The following COL6A3 variants were observed in gnomAD, a reference collection of about 807,000 sequenced individuals.
COL6A3 encodes the protein collagen alpha-3(VI) chain.
In COL6A3, 137 loss-of-function variants were observed where a neutral mutation model predicts 274.1. The ratio of observed to expected loss-of-function variants is 0.50; its 90% CI spans 0.44 to 0.58. COL6A3 has a LOEUF of 0.58. COL6A3 is among the 20% of genes least tolerant of loss of function. The pLI, the probability that COL6A3 is intolerant of heterozygous loss-of-function variation, is 0.00. For synonymous variants in COL6A3, 1,650 were observed against 1,650.6 expected, an observed-to-expected ratio of 1.00 and a Z score of 0.01; for missense variants, 3,950 against 4,124.9, an observed-to-expected ratio of 0.96 and a Z score of 1.16.
rs1247245958 is a variant in COL6A3, at chr2:237,364,757, CATGT to C, written c.5839-333_5839-330del. On this transcript the variant is annotated intron_variant, in intron 12 of 43. Transcript: ENST00000295550. The surrounding 1 kb of genome is among the most constrained non-coding windows in gnomAD (Gnocchi z 4.6). Reference sequence around the variant, plus strand: ...ATGCATGTGTGCGTGCATGTGTGTGCATGTGTGTGGGTACATATGTGTGTGTATG... The same window carrying C: ...ATGCATGTGTGCGTGCATGTGTGTGCGTGTGGGTACATATGTGTGTGTATG... Among the ~76,000 whole-genome samples the C allele has an allele frequency of 2.0e-5, 3 of 151,026 alleles. No individual in the cohort carries two copies. Among genetic ancestry groups the C allele is most frequent in the Non-Finnish European group, 4.4e-5 (3 of 67,818 alleles).
Position 237,334,862 on chromosome 2 carries a change from A to G in COL6A3, c.8993T>C (p.Phe2998Ser), listed in dbSNP as rs1187707448. 2 of 1,614,164 alleles carry G rather than the reference A, an allele frequency of 1.2e-6. No homozygotes were observed. The highest frequency in any genetic ancestry group is 1.7e-6 in the Non-Finnish European group (2 of 1,180,024). The change falls in exon 41 of 44, where the codon TTT becomes TCT. Residue 2998 changes from phenylalanine to serine, a missense_variant. Transcript: ENST00000295550. Reference protein sequence around the residue: ...MVKMSREVQVFEITENSAKLH... With the variant: ...MVKMSREVQVSEITENSAKLH... ...TTTGGCGCTGTTCTCTGTTATCTCAAACACCTGGACTTCACGGGACATCTT... is the reference window on the plus strand; with the variant it reads ...TTTGGCGCTGTTCTCTGTTATCTCAGACACCTGGACTTCACGGGACATCTT...
rs189663625 is a variant in COL6A3 at position 237,324,988 on chromosome 2, C to T, written c.9494-174G>A. Among the ~76,000 whole-genome samples, 813 of 152,266 alleles carry T rather than the reference C, an allele frequency of 5.3e-3. 4 individuals are homozygous for T. The highest frequency in any genetic ancestry group is 0.018 in the African/African-American group (758 of 41,548). The stretch of plus-strand genomic sequence containing the variant: ...CAGTACCATCAAAGGCCCTCTGTGA[C>T]GTTCTTGGCCTGGGGCCCCGGGGCC... On this transcript the variant is annotated intron_variant, in intron 43 of 43. Coordinates refer to ENST00000295550, the MANE Select transcript of COL6A3 (RefSeq NM_004369.4).
rs1323060779 is a variant in COL6A3, at chr2:237,364,719, T to C, written c.5839-291A>G. On this transcript the variant is annotated intron_variant, in intron 12 of 43. Transcript: ENST00000295550. This position sits in a 1 kb window ranked among gnomAD's most constrained non-coding sequence, Gnocchi z 4.6. Reference sequence around the variant, plus strand: ...TAAGATGTAGTTTCTGCGAATCATATGCATATGTGTGCATGCATGTGTGCG... The same window carrying C: ...TAAGATGTAGTTTCTGCGAATCATACGCATATGTGTGCATGCATGTGTGCG... 2.0e-5 allele frequency among the ~76,000 whole-genome samples: 3 copies of C among 151,476 alleles called. No individual in the cohort carries two copies. Among genetic ancestry groups the C allele is most frequent in the Admixed American group, 6.6e-5 (1 of 15,134 alleles).
Position 237,407,586 on chromosome 2 carries a change from G to A in COL6A3, c.-31+6367C>T, listed in dbSNP as rs983158468. Reference sequence around the variant, plus strand: ...GCTTAGGCCAAGCTCCTCAGAGGTGGGTCTCCTTCCCATTACAAAGGCAAT... The same window carrying A: ...GCTTAGGCCAAGCTCCTCAGAGGTGAGTCTCCTTCCCATTACAAAGGCAAT... On this transcript the variant is annotated intron_variant, in intron 1 of 43. Transcript: ENST00000295550. This position sits in a 1 kb window ranked among gnomAD's most constrained non-coding sequence, Gnocchi z 4.3. Among the ~76,000 whole-genome samples, 5 of 152,176 alleles carry A rather than the reference G, an allele frequency of 3.3e-5. No individual in the cohort carries two copies. The highest frequency in any genetic ancestry group is 1.2e-4 in the African/African-American group (5 of 41,420).
rs1039764953 is a variant in COL6A3 at position 237,377,276 on chromosome 2, G to A, written c.2566C>T (p.Arg856Cys). 1.0e-5 allele frequency: 16 copies of A among 1,605,528 alleles called. No individual in the cohort carries two copies. The highest frequency in any genetic ancestry group is 2.2e-5 in the East Asian group (1 of 44,892). ...TCGATAATCTTGTAGAGAAAGTCAC[G>A]GACAACAGGGAACTGGCCCACAAGA... ...ANLVGQFPVVRDFLYKIIDEL... is the reference protein window; with the variant it reads ...ANLVGQFPVVCDFLYKIIDEL... The change falls in exon 7 of 44, where the codon CGT becomes TGT. Residue 856 changes from arginine (R) to cysteine (C), a missense_variant. By Grantham distance (180) the Arg-to-Cys change is radical. This residue lies in a region of COL6A3 where 1,934 missense variants were observed against 1,984.3 expected (regional missense o/e 0.97). Transcript: ENST00000295550.
At chr2:237,356,207 T>G (rs964839764) in intron 23 of COL6A3, among the ~76,000 whole-genome samples, 1 of 152,216 alleles carries the variant, frequency 6.6e-6, no homozygotes, top group African/African-American at 2.4e-5. Context: ...GAAACCAAGT[T>G]TTGGCTCTGC....
chr2:237,368,808 G>C lies in COL6A3; in HGVS notation c.4655C>G (p.Ser1552Cys). Reference sequence around the variant, plus strand: ...GGCGAACCTGGACACATCGTCCTGGGATTTTCCACCCAGGACCAGGACCAG... The same window carrying C: ...GGCGAACCTGGACACATCGTCCTGGCATTTTCCACCCAGGACCAGGACCAG... ...QHLVLVLGGK[S>C]QDDVSRFAQV... The change falls in exon 10 of 44, where the codon TCC (serine) becomes TGC (cysteine). Residue 1552 changes from serine to cysteine, a missense_variant. Transcript: ENST00000295550. The surrounding 1 kb of genome is among the most constrained non-coding windows in gnomAD (Gnocchi z 4.4). 1 of 1,614,190 alleles carries C rather than the reference G, an allele frequency of 6.2e-7. No homozygotes were observed. Among genetic ancestry groups the C allele is most frequent in the Non-Finnish European group, 8.5e-7 (1 of 1,180,042 alleles).
In COL6A3 at chr2:237,340,569, C is replaced by A; in HGVS notation, c.8347G>T (p.Val2783Leu). Residue 2783 changes from valine to leucine, a missense_variant, in exon 38 of 44, where the codon GTA (valine) becomes TTA (leucine). Val to Leu is a conservative substitution (Grantham distance 32). This residue lies in a region of COL6A3 where 1,284 missense variants were observed against 1,349.7 expected (regional missense o/e 0.95). Coordinates refer to ENST00000295550, the MANE Select transcript of COL6A3 (RefSeq NM_004369.4). Reference sequence around the variant, plus strand: ...TTTGGCTCACTGGCGAAGGTGTATACCTCCTTGATGTTCACCTTCCTGCCA... The same window carrying A: ...TTTGGCTCACTGGCGAAGGTGTATAACTCCTTGATGTTCACCTTCCTGCCA... ...GIGRKVNIKE[V>L]YTFASEPNDV... 1 of 1,614,182 alleles carries A rather than the reference C, an allele frequency of 6.2e-7. No individual in the cohort carries two copies. The highest frequency in any genetic ancestry group is 1.1e-5 in the South Asian group (1 of 91,082).
intron 30 of COL6A3, 42 bp downstream of exon 30, chr2:237,348,307 C>T (rs762867491): frequency 1.3e-6 from 2 of 1,562,964 alleles, no homozygotes; most frequent in Non-Finnish European, 1.8e-6. Context: ...CCAGAGCCAT[C>T]CCAAAATCAT....
intron 1 of COL6A3, among the ~76,000 whole-genome samples, chr2:237,405,964 G>A (rs1173981204): frequency 6.6e-6 from 1 of 151,976 alleles, no homozygotes; most frequent in Non-Finnish European, 1.5e-5. Context: ...TAGATTCTGT[G>A]TCCTAAAGGA....
chr2:237,378,760 A>T lies in COL6A3; in HGVS notation c.2373T>A (p.Phe791Leu). Residue 791 changes from phenylalanine (F) to leucine (L), a missense_variant, in exon 6 of 44, where the codon TTT becomes TTA. Transcript: ENST00000295550. Reference protein sequence around the residue: ...ANKAELEQIAFNPSLVYLMDD... With the variant: ...ANKAELEQIALNPSLVYLMDD... ...CCATGAGATACACCAGGCTTGGGTT[A>T]AAAGCAATCTGCTCAAGCTCTGCCT... The T allele has an allele frequency of 6.2e-7, 1 of 1,614,222 alleles. No homozygotes were observed.
intron 1 of COL6A3, among the ~76,000 whole-genome samples, chr2:237,402,517 G>C (rs746732940): frequency 4.6e-5 from 7 of 152,110 alleles, no homozygotes; most frequent in Non-Finnish European, 1.0e-4. Context: ...CTTTTTTGAG[G>C]TGTGATAGAG....
chr2:237,326,244 A>AGTGTGT (rs58879455), intron 42 of COL6A3: 15,939 of 151,520 alleles, frequency 0.11, 883 homozygotes, highest in East Asian at 0.2. Flanking sequence ...ATCCTTTATG[A>AGTGTGT]GTGTGTGTGT....
chr2:237,343,902 C>T (rs2077044968), intron 36 of COL6A3: 1 of 284,212 alleles, frequency 3.5e-6, no homozygotes, highest in Non-Finnish European at 6.9e-6. Flanking sequence ...TGAGGTGAGA[C>T]TGATGATACA....
At chr2:237,391,737 C>T (rs1559275700) in intron 3 of COL6A3, among the ~76,000 whole-genome samples, 1 of 152,152 alleles carries the variant, frequency 6.6e-6, no homozygotes, top group Non-Finnish European at 1.5e-5. Flanking sequence ...GTTGACCAGG[C>T]TGGTCTCAAA....
chr2:237,329,265 G>C (rs577887905), intron 42 of COL6A3: 1 of 152,222 alleles, frequency 6.6e-6, no homozygotes, highest in African/African-American at 2.4e-5. Context: ...ATGTTGGCCA[G>C]GCTGGTCTCG....
intron 1 of COL6A3, among the ~76,000 whole-genome samples, chr2:237,410,920 G>A (rs2078841456): frequency 6.6e-6 from 1 of 152,182 alleles, no homozygotes; most frequent in Non-Finnish European, 1.5e-5. Flanking sequence ...CTAGTTCATG[G>A]CTGTCTGAAT....
Position 237,364,477 on chromosome 2 carries a change from T to G in COL6A3, c.5839-49A>C. The G allele has an allele frequency of 7.2e-7, 1 of 1,396,048 alleles. No individual in the cohort carries two copies. The highest frequency in any genetic ancestry group is 1.0e-6 in the Non-Finnish European group (1 of 982,724). 86.5% of individuals were successfully genotyped at this position (1,396,048 alleles called of 1,614,324 possible). On this transcript the variant is annotated intron_variant, in intron 12 of 43. Coordinates refer to ENST00000295550, the MANE Select transcript of COL6A3 (RefSeq NM_004369.4). This position sits in a 1 kb window ranked among gnomAD's most constrained non-coding sequence, Gnocchi z 4.6. Reference sequence around the variant, plus strand: ...TCCCAGGAAAACTAAAAAGGAGTGTTGCAGACTGCTGATAGAAAACTGAGA... The same window carrying G: ...TCCCAGGAAAACTAAAAAGGAGTGTGGCAGACTGCTGATAGAAAACTGAGA...
intron 21 of COL6A3, 119 bp downstream of exon 21, chr2:237,358,402 A>T: frequency 1.1e-6 from 1 of 872,828 alleles, no homozygotes; most frequent in African/African-American, 1.7e-5. Flanking sequence ...GACAAAGCAC[A>T]TATTTTATCA....
Sources: allele counts gnomAD v4.1 joint callset (sites outside exome capture counted in the v4.1 genomes callset), GRCh38; gene constraint gnomAD v4.1.1; regional missense constraint gnomAD v4.1.1; non-coding constraint Gnocchi (gnomAD v3.1); transcripts MANE v1.5; gene names NCBI Gene and HGNC (gene_info 2026-07-23, HGNC 2026-07-21).